The following SYNPO2 variants were observed in gnomAD, a reference collection of about 807,000 sequenced individuals.
The protein encoded by SYNPO2 is synaptopodin 2.
SYNPO2 carries 56 observed loss-of-function variants against 85.0 expected under a neutral mutation model. The observed-to-expected ratio is 0.66, with a 90% confidence interval of 0.53 to 0.82. The LOEUF is 0.82. Among genes scored for constraint, SYNPO2 ranks in the 40% least tolerant of loss-of-function variants. The pLI, the probability that SYNPO2 is intolerant of heterozygous loss-of-function variation, is 0.00. For missense variants in SYNPO2, 1,575 were observed against 1,534.2 expected, an observed-to-expected ratio of 1.03 and a Z score of -0.44; for synonymous variants, 602 against 591.1, an observed-to-expected ratio of 1.02 and a Z score of -0.27.
intron 1 of SYNPO2, among the ~76,000 whole-genome samples, chr4:118,883,522 G>A (rs1732147824): frequency 6.6e-6 from 1 of 152,196 alleles, no homozygotes; most frequent in Admixed American, 6.5e-5. Context: ...AATGGGGAAA[G>A]ATAGAATGGG....
chr4:119,027,384 C>A lies in SYNPO2; in HGVS notation c.1015C>A (p.Pro339Thr), dbSNP rs779397253. 1 of 1,612,790 alleles carries A rather than the reference C, an allele frequency of 6.2e-7. No homozygotes were observed. The highest frequency in any genetic ancestry group is 1.7e-5 in the Admixed American group (1 of 59,990). Residue 339 changes from proline (P) to threonine (T), a missense_variant, in exon 3 of 5, where the codon CCA (proline) becomes ACA (threonine). By Grantham distance (38) the Pro-to-Thr change is conservative. Transcript: ENST00000307142. The part of the protein sequence containing the change: ...SSEGTEQGED[P>T]RSEKDHSRPH... ...AGAAGGCACAGAGCAGGGAGAAGAT[C>A]CACGCTCGGAAAAAGATCACAGCAG...
chr4:118,962,801 C>T (rs1239971770), intron 1 of SYNPO2, among the ~76,000 whole-genome samples: 1 of 152,142 alleles, frequency 6.6e-6, no homozygotes, highest in Non-Finnish European at 1.5e-5. Context: ...GTTGGCAGCT[C>T]ATATTTTTGG....
At chr4:118,969,099 A>G (rs1735428523) in intron 1 of SYNPO2, among the ~76,000 whole-genome samples, 1 of 152,138 alleles carries the variant, frequency 6.6e-6, no homozygotes, top group South Asian at 2.1e-4. Flanking sequence ...AGTTAACCTC[A>G]AGGGGCCCTT....
At chr4:119,011,307 A>C (rs1350950225) in intron 1 of SYNPO2, among the ~76,000 whole-genome samples, 1 of 152,118 alleles carries the variant, frequency 6.6e-6, no homozygotes, top group Non-Finnish European at 1.5e-5. Context: ...GCATATGTTT[A>C]TCTCCATAAA....
chr4:119,035,323 G>A, intron 4 of SYNPO2: 1 of 985,430 alleles, frequency 1.0e-6, no homozygotes, highest in African/African-American at 1.7e-5. Flanking sequence ...TGTAAGTACA[G>A]CATATTCCCC....
At chr4:118,867,890 T>C (rs1048342194) in intron 1 of SYNPO2, among the ~76,000 whole-genome samples, 1 of 151,972 alleles carries the variant, frequency 6.6e-6, no homozygotes, top group Non-Finnish European at 1.5e-5. Flanking sequence ...TCGGAAAAAA[T>C]GAAGTAAAAT....
intron 1 of SYNPO2, among the ~76,000 whole-genome samples, chr4:118,947,002 G>A (rs1734526965): frequency 6.6e-6 from 1 of 152,140 alleles, no homozygotes; most frequent in Admixed American, 6.5e-5. Context: ...GCTTTCCTGT[G>A]ACTTTGTGAA....
chr4:118,862,861 A>G (rs1731634702), intron 1 of SYNPO2, among the ~76,000 whole-genome samples: 1 of 151,606 alleles, frequency 6.6e-6, no homozygotes, highest in Non-Finnish European at 1.5e-5. Context: ...CCCAGGCTAG[A>G]GTGCAGTGGC....
intron 1 of SYNPO2, among the ~76,000 whole-genome samples, chr4:118,882,245 A>G (rs543495860): frequency 1.3e-5 from 2 of 152,348 alleles, no homozygotes; most frequent in South Asian, 4.1e-4. Context: ...TTTGGGGAGT[A>G]CAATTTAGCG....
Position 119,030,551 on chromosome 4 carries a change from C to T in SYNPO2, c.1776C>T (p.Phe592=). Residue 592 remains phenylalanine (F), a synonymous_variant, in exon 4 of 5, where the codon TTC becomes TTT. Coordinates refer to ENST00000307142, the MANE Select transcript of SYNPO2 (RefSeq NM_133477.3). The part of the protein sequence containing the change: ...MVPMNRTAKP[F]PGSVNQPATP... Reference sequence around the variant, plus strand: ...CCATGAATAGAACGGCCAAACCCTTCCCAGGGTCTGTGAATCAGCCAGCTA... The same window carrying T: ...CCATGAATAGAACGGCCAAACCCTTTCCAGGGTCTGTGAATCAGCCAGCTA... 3 of 1,614,180 alleles carry T rather than the reference C, an allele frequency of 1.9e-6. No homozygotes were observed. The highest frequency in any genetic ancestry group is 2.5e-6 in the Non-Finnish European group (3 of 1,180,034).
chr4:118,947,990 A>G (rs1382132495), intron 1 of SYNPO2, among the ~76,000 whole-genome samples: 1 of 152,190 alleles, frequency 6.6e-6, no homozygotes, highest in Non-Finnish European at 1.5e-5. Flanking sequence ...AGCAGAAATC[A>G]TATTAAATGT....
Position 119,007,229 on chromosome 4 carries a change from T to TATATATATATATAC in SYNPO2, c.106-16188_106-16187insCATATATATATATA, listed in dbSNP as rs1560971786. On this transcript the variant is annotated intron_variant, in intron 1 of 4. Transcript: ENST00000307142. The stretch of plus-strand genomic sequence containing the variant: ...AAAAGAACAAAGGTATATATATATA[T>TATATATATATATAC]ATATATATATATATATGTATATACA... 4.9e-3 allele frequency among the ~76,000 whole-genome samples: 235 copies of TATATATATATATAC among 47,986 alleles called. 9 individuals are homozygous for TATATATATATATAC. The highest frequency in any genetic ancestry group is 0.021 in the African/African-American group (229 of 10,802). 31.5% of individuals were successfully genotyped at this position (47,986 alleles called of 152,430 possible).
Position 119,027,416 on chromosome 4 carries a change from C to G in SYNPO2, c.1047C>G (p.His349Gln). The G allele has an allele frequency of 6.2e-7, 1 of 1,603,428 alleles. No individual in the cohort carries two copies. The highest frequency in any genetic ancestry group is 8.5e-7 in the Non-Finnish European group (1 of 1,172,698). Residue 349 changes from histidine (H) to glutamine (Q), a missense_variant, in exon 3 of 5, where the codon CAC (histidine) becomes CAG (glutamine). Physicochemically the swap from His to Gln is conservative, Grantham distance 24. Around this residue, in one of 3 missense-constraint regions of SYNPO2, gnomAD observed 1,508 missense variants for 1,446.8 expected, o/e 1.04. Coordinates refer to ENST00000307142, the MANE Select transcript of SYNPO2 (RefSeq NM_133477.3). Reference protein sequence around the residue: ...PRSEKDHSRPHKHRARHARLR... With the variant: ...PRSEKDHSRPQKHRARHARLR... ...CGGAAAAAGATCACAGCAGACCTCA[C>G]AAGCACCGAGCGCGGCATGCACGTA...
intron 1 of SYNPO2, among the ~76,000 whole-genome samples, chr4:119,020,284 C>T (rs1483430862): frequency 2.6e-5 from 4 of 152,068 alleles, no homozygotes; most frequent in Non-Finnish European, 4.4e-5. Flanking sequence ...TTCAGTGAAA[C>T]GCAATCACAG....
chr4:118,919,946 A>C (rs982430130), intron 1 of SYNPO2, among the ~76,000 whole-genome samples: 6 of 152,212 alleles, frequency 3.9e-5, no homozygotes, highest in African/African-American at 1.4e-4. Context: ...GGAATCCACC[A>C]CAGATATTTA....
At chr4:118,934,311 G>A (rs1734028820) in intron 1 of SYNPO2, among the ~76,000 whole-genome samples, 1 of 152,118 alleles carries the variant, frequency 6.6e-6, no homozygotes, top group Non-Finnish European at 1.5e-5. Flanking sequence ...TCAGGTCCAG[G>A]TCTTTCTCTC....
rs201227715 is a variant in SYNPO2, at chr4:119,057,411, G to C, written c.3263G>C (p.Arg1088Pro). The C allele has an allele frequency of 1.1e-5, 17 of 1,582,198 alleles. No homozygotes were observed. The East Asian group carries it at 2.9e-4, about 27-fold the overall frequency. ...KSGVTIQESG[R>P]SLSLPGRSVP... ...TTTCATTGTTTTTAGGAGAGTGGGC[G>C]CTCCCTTTCTCTTCCTGGAAGATCA... is the stretch of plus-strand genomic sequence containing the variant. The change falls in exon 5 of 5, where the codon CGC becomes CCC. Residue 1088 changes from arginine (R) to proline (P), a missense_variant. By Grantham distance (103) the Arg-to-Pro change is moderately radical. This residue lies in a region of SYNPO2 where 1,508 missense variants were observed against 1,446.8 expected (regional missense o/e 1.04). Transcript: ENST00000307142.
At chr4:118,942,878 A>G (rs1734362570) in intron 1 of SYNPO2, among the ~76,000 whole-genome samples, 1 of 152,110 alleles carries the variant, frequency 6.6e-6, no homozygotes, top group Admixed American at 6.6e-5. Context: ...AGGCTAAGGT[A>G]GGCAGATCAC....
At chr4:118,960,137 C>T (rs184782890) in intron 1 of SYNPO2, among the ~76,000 whole-genome samples, 1 of 152,280 alleles carries the variant, frequency 6.6e-6, no homozygotes, top group African/African-American at 2.4e-5. Context: ...TGAATGTTCT[C>T]CTAGTCTCCA....
Sources: gnomAD v4.1 joint callset for allele counts (sites outside exome capture counted in the v4.1 genomes callset) on GRCh38, gnomAD v4.1.1 for gene constraint, gnomAD v4.1.1 regional missense constraint, MANE v1.5 for transcripts, NCBI Gene and HGNC (gene_info 2026-07-23, HGNC 2026-07-21) for gene names.